Variants in SCN10A observed in about 807,000 individuals in gnomAD.
SCN10A encodes sodium channel protein type 10 subunit alpha.
A neutral mutation model predicts 170.7 loss-of-function variants in SCN10A; 162 were observed. The ratio of observed to expected loss-of-function variants is 0.95; its 90% CI spans 0.84 to 1.08. The LOEUF (loss-of-function observed/expected upper bound fraction) is 1.08, where lower values mean the gene tolerates loss of function less well. Ranked by LOEUF, SCN10A falls within the 50% of genes least tolerant of loss-of-function variation. The pLI is 0.00. For missense variants in SCN10A, 2,527 were observed against 2,436.9 expected, an observed-to-expected ratio of 1.04 and a Z score of -0.78; for synonymous variants, 985 against 904.6, an observed-to-expected ratio of 1.09 and a Z score of -1.59.
At chr3:38,812,736 T>C (rs901622038) in intron 1 of SCN10A, among the ~76,000 whole-genome samples, 4 of 152,068 alleles carry the variant, frequency 2.6e-5, no homozygotes, top group African/African-American at 9.7e-5. Context: ...CTTCTATCTA[T>C]CTAAAGTCTA....
rs774803610 is a variant in SCN10A, at chr3:38,725,211, G to T, written c.3191C>A (p.Thr1064Lys). Residue 1064 changes from threonine to lysine, a missense_variant, in exon 18 of 28, where the codon ACG (threonine) becomes AAG (lysine). Transcript: ENST00000449082. ...SEDLAPSLGETWKDESVPQVP... is the reference protein window; with the variant it reads ...SEDLAPSLGEKWKDESVPQVP... Reference sequence around the variant, plus strand: ...CTGAGGAACAGACTCATCTTTCCACGTCTCACCCAGGGATGGAGCCAGGTC... The same window carrying T: ...CTGAGGAACAGACTCATCTTTCCACTTCTCACCCAGGGATGGAGCCAGGTC... 2 of 1,606,460 alleles carry T rather than the reference G, an allele frequency of 1.2e-6. No individual in the cohort carries two copies. The highest frequency in any genetic ancestry group is 2.2e-5 in the East Asian group (1 of 44,756).
chr3:38,805,323 A>G (rs1387001267), intron 1 of SCN10A, among the ~76,000 whole-genome samples: 1 of 152,136 alleles, frequency 6.6e-6, no homozygotes, highest in Admixed American at 6.6e-5. Flanking sequence ...AAACTGTGTT[A>G]TGCATGGTGC....
chr3:38,752,627 C>G (rs560847027), intron 11 of SCN10A, 115 bp from the exon 12 acceptor site: 1 of 805,708 alleles, frequency 1.2e-6, no homozygotes, highest in African/African-American at 1.8e-5. Context: ...TATGACCTTT[C>G]AGTCACTAAG....
chr3:38,713,896 G>C, intron 22 of SCN10A, 62 bp downstream of exon 22: 1 of 1,594,800 alleles, frequency 6.3e-7, no homozygotes, highest in Non-Finnish European at 8.6e-7. Flanking sequence ...CCAAAGTGCT[G>C]GGATTACAGG....
chr3:38,718,556 C>T (rs768556721), intron 21 of SCN10A, 97 bp downstream of exon 21: 1 of 1,324,926 alleles, frequency 7.5e-7, no homozygotes, highest in African/African-American at 1.5e-5. Context: ...TGGAGTAGCC[C>T]TTGAGGGCCA....
chr3:38,742,237 T>TCCCCACCCCCC, intron 14 of SCN10A, 54 bp downstream of exon 14: 2 of 970,196 alleles, frequency 2.1e-6, no homozygotes, highest in Non-Finnish European at 3.2e-6. Context: ...CCTGCCATCA[T>TCCCCACCCCCC]CCCCACCCCG....
intron 4 of SCN10A, among the ~76,000 whole-genome samples, chr3:38,787,511 A>C (rs962419932): frequency 1.3e-5 from 2 of 151,352 alleles, no homozygotes; most frequent in African/African-American, 4.9e-5. Context: ...TTGCTTTACT[A>C]TGCTGGCTGA....
chr3:38,778,426 G>A (rs1406373120), intron 4 of SCN10A, among the ~76,000 whole-genome samples: 1 of 151,712 alleles, frequency 6.6e-6, no homozygotes, highest in Non-Finnish European at 1.5e-5. Context: ...CCAATCTGAG[G>A]AAGAACCTCT....
At chr3:38,700,596 G>A (rs1406614159) in intron 27 of SCN10A, among the ~76,000 whole-genome samples, 1 of 152,036 alleles carries the variant, frequency 6.6e-6, no homozygotes, top group Non-Finnish European at 1.5e-5. Context: ...TTTTACATGT[G>A]GATCATACCT....
intron 15 of SCN10A, among the ~76,000 whole-genome samples, chr3:38,730,578 T>A (rs909784270): frequency 2.6e-5 from 4 of 152,026 alleles, no homozygotes; most frequent in Non-Finnish European, 4.4e-5. Flanking sequence ...GAATTATTAG[T>A]CAGAGATAAC....
intron 1 of SCN10A, among the ~76,000 whole-genome samples, chr3:38,803,758 C>A (rs192174507): frequency 1.7e-3 from 264 of 152,146 alleles, no homozygotes; most frequent in Non-Finnish European, 3.1e-3. Context: ...TGTAACAAAC[C>A]TGCACATTGT....
chr3:38,735,262 TATAG>T (rs2063549215), intron 15 of SCN10A, among the ~76,000 whole-genome samples: 1 of 151,898 alleles, frequency 6.6e-6, no homozygotes, highest in Non-Finnish European at 1.5e-5. Context: ...TAAAACATTG[TATAG>T]ATAAATTATT....
At chr3:38,776,097 A>AG (rs1480927898) in intron 4 of SCN10A, among the ~76,000 whole-genome samples, 42 of 152,234 alleles carry the variant, frequency 2.8e-4, no homozygotes, top group African/African-American at 1.0e-3. Context: ...CTTGACAAAA[A>AG]CGTTAGCAGA....
intron 22 of SCN10A, among the ~76,000 whole-genome samples, 173 bp downstream of exon 22, chr3:38,713,785 G>C (rs1007799620): frequency 5.9e-5 from 9 of 152,132 alleles, no homozygotes; most frequent in Non-Finnish European, 8.8e-5. Context: ...ACACCTCGTG[G>C]TGGTAGTGAT....
intron 18 of SCN10A, 75 bp downstream of exon 18, chr3:38,725,098 AC>A: frequency 7.2e-7 from 1 of 1,389,266 alleles, no homozygotes; most frequent in Non-Finnish European, 9.6e-7. Flanking sequence ...CTTCACCGCC[AC>A]CCTCCAGCCT....
rs146999807 is a variant in SCN10A at position 38,698,173 on chromosome 3, G to A, written c.5047C>T (p.Pro1683Ser). The change falls in exon 28 of 28, where the codon CCC (proline) becomes TCC (serine). Residue 1683 changes from proline to serine, a missense_variant. Physicochemically the swap from Pro to Ser is moderately conservative, Grantham distance 74. Coordinates refer to ENST00000449082, the MANE Select transcript of SCN10A (RefSeq NM_006514.4). Reference protein sequence around the residue: ...TGPPYCDPNLPNSNGTRGDCG... With the variant: ...TGPPYCDPNLSNSNGTRGDCG... ...TCCCCTCTGGTGCCATTGCTGTTGG[G>A]CAGATTGGGGTCACAGTAGGGGGGC... 2.6e-4 allele frequency: 415 copies of A among 1,614,136 alleles called. 1 individual carries two copies. The East Asian group carries it at 8.8e-3, about 34-fold the overall frequency.
intron 5 of SCN10A, among the ~76,000 whole-genome samples, chr3:38,765,804 T>C (rs2063926020): frequency 6.6e-6 from 1 of 152,196 alleles, no homozygotes; most frequent in Non-Finnish European, 1.5e-5. Flanking sequence ...TATATTGCTT[T>C]TGGCAGTAAG....
At chr3:38,791,927 C>A (rs774861680) in intron 3 of SCN10A, 123 bp downstream of exon 3, 32 of 1,295,408 alleles carry the variant, frequency 2.5e-5, no homozygotes, top group Non-Finnish European at 2.9e-5. Context: ...AATCTAATGA[C>A]CTCATTGTAC....
intron 3 of SCN10A, 60 bp from the exon 4 acceptor site, chr3:38,789,096 A>G (rs2064247131): frequency 1.1e-6 from 1 of 916,610 alleles, no homozygotes; most frequent in Admixed American, 1.7e-5. Flanking sequence ...GTCATCTAGG[A>G]TCACCTTGAT....
Sources: allele counts gnomAD v4.1 joint callset (sites outside exome capture counted in the v4.1 genomes callset), GRCh38; gene constraint gnomAD v4.1.1; transcripts MANE v1.5; gene names NCBI Gene and HGNC (gene_info 2026-07-23, HGNC 2026-07-21).